Variants in TAFA4 observed in about 807,000 individuals in gnomAD.
TAFA4 encodes the protein chemokine-like protein TAFA-4.
A neutral mutation model predicts 21.1 loss-of-function variants in TAFA4; 20 were observed. The observed-to-expected ratio is 0.95, with a 90% CI of 0.67 to 1.38. TAFA4 has a LOEUF of 1.38. Among genes scored for constraint, TAFA4 ranks in the 40% most tolerant of loss-of-function variants. TAFA4 has a pLI of 0.00. For synonymous variants in TAFA4, 71 were observed against 67.4 expected (o/e 1.05, Z -0.26); for missense variants, 211 against 180.9 (o/e 1.17, Z -0.95).
intron 1 of TAFA4, among the ~76,000 whole-genome samples, chr3:68,897,258 A>T (rs896317341): frequency 8.5e-5 from 13 of 152,200 alleles, no homozygotes; most frequent in Non-Finnish European, 1.8e-4. Context: ...AGCCAAATTT[A>T]TAGTTCATCT....
At chr3:68,781,894 A>C (rs1703160739) in intron 3 of TAFA4, among the ~76,000 whole-genome samples, 1 of 152,170 alleles carries the variant, frequency 6.6e-6, no homozygotes, top group African/African-American at 2.4e-5. Context: ...AAAACCACAA[A>C]AGTCTTAGAA....
chr3:68,882,214 T>C (rs1356899098), intron 2 of TAFA4, among the ~76,000 whole-genome samples: 1 of 152,170 alleles, frequency 6.6e-6, no homozygotes, highest in Non-Finnish European at 1.5e-5. Flanking sequence ...AATTAATCTT[T>C]CATTTATGTG....
At chr3:68,925,745 C>G (rs2090101609) in intron 1 of TAFA4, among the ~76,000 whole-genome samples, 1 of 152,214 alleles carries the variant, frequency 6.6e-6, no homozygotes, top group African/African-American at 2.4e-5. Flanking sequence ...GATTTGTCAT[C>G]TTTCCTGGAA....
intron 3 of TAFA4, among the ~76,000 whole-genome samples, chr3:68,874,232 TTTTAACTC>T (rs1272490530): frequency 5.3e-5 from 8 of 152,148 alleles, no homozygotes; most frequent in African/African-American, 1.7e-4. Flanking sequence ...GTCAAATTGT[TTTTAACTC>T]TTGCAAACAC....
chr3:68,854,960 T>C (rs945907362), intron 3 of TAFA4, among the ~76,000 whole-genome samples: 7 of 152,194 alleles, frequency 4.6e-5, no homozygotes, highest in African/African-American at 1.2e-4. Context: ...TCACTCTTAG[T>C]TAACATATAA....
intron 3 of TAFA4, among the ~76,000 whole-genome samples, chr3:68,825,098 C>G (rs187282378): frequency 1.3e-5 from 2 of 152,248 alleles, no homozygotes; most frequent in Admixed American, 6.5e-5. Context: ...GCCCAGCATA[C>G]ATTTGCTATT....
chr3:68,842,494 G>GCAA (rs1704688046), intron 3 of TAFA4, among the ~76,000 whole-genome samples: 1 of 152,140 alleles, frequency 6.6e-6, no homozygotes, highest in Admixed American at 6.6e-5. Flanking sequence ...TCTGTAGGTT[G>GCAA]CCTATTCACT....
At chr3:68,792,518 A>G (rs1374486604) in intron 3 of TAFA4, among the ~76,000 whole-genome samples, 1 of 152,180 alleles carries the variant, frequency 6.6e-6, no homozygotes, top group Non-Finnish European at 1.5e-5. Context: ...ACAAAAAAAG[A>G]AGAAATTTTT....
intron 4 of TAFA4, among the ~76,000 whole-genome samples, chr3:68,742,081 A>T (rs1208928742): frequency 6.6e-6 from 1 of 152,224 alleles, no homozygotes; most frequent in Admixed American, 6.5e-5. Context: ...AATAAATGTG[A>T]TACACCACAT....
intron 1 of TAFA4, among the ~76,000 whole-genome samples, chr3:68,925,266 A>G (rs2090097293): frequency 6.6e-6 from 1 of 152,128 alleles, no homozygotes; most frequent in Non-Finnish European, 1.5e-5. Context: ...AGATGAAGAA[A>G]GCTGCGACTC....
At chr3:68,845,256 A>G (rs192885043) in intron 3 of TAFA4, among the ~76,000 whole-genome samples, 1 of 151,936 alleles carries the variant, frequency 6.6e-6, no homozygotes. Flanking sequence ...TCCCTTTACC[A>G]TTATGTAATG....
At chr3:68,929,825 G>A (rs2090143232) in intron 1 of TAFA4, among the ~76,000 whole-genome samples, 1 of 152,214 alleles carries the variant, frequency 6.6e-6, no homozygotes. Flanking sequence ...GAGTTAGTAA[G>A]TGCCAAAAAG....
intron 3 of TAFA4, among the ~76,000 whole-genome samples, chr3:68,834,003 A>C (rs1704461624): frequency 6.6e-6 from 1 of 152,306 alleles, no homozygotes; most frequent in South Asian, 2.1e-4. Flanking sequence ...ACATATTCCC[A>C]ACTCTTCATG....
chr3:68,808,687 A>G (rs1168991722), intron 3 of TAFA4, among the ~76,000 whole-genome samples: 5 of 152,198 alleles, frequency 3.3e-5, no homozygotes, highest in Non-Finnish European at 7.4e-5. Context: ...ACCCTTAGTG[A>G]GCATTTCTTC....
chr3:68,789,152 A>G (rs996357269), intron 3 of TAFA4, among the ~76,000 whole-genome samples: 16 of 151,326 alleles, frequency 1.1e-4, no homozygotes, highest in African/African-American at 3.9e-4. Context: ...AATGGTGTGA[A>G]CCTGGGAGGC....
At chr3:68,930,013 T>G (rs903985952) in intron 1 of TAFA4, among the ~76,000 whole-genome samples, 3 of 152,250 alleles carry the variant, frequency 2.0e-5, no homozygotes, top group Non-Finnish European at 4.4e-5. Context: ...ACATGCCATT[T>G]ACATAGCAAA....
chr3:68,896,981 G>A (rs1449297258), intron 1 of TAFA4, among the ~76,000 whole-genome samples: 2 of 152,158 alleles, frequency 1.3e-5, no homozygotes, highest in East Asian at 3.9e-4. Flanking sequence ...TTGGCTCCCT[G>A]CAACCTCCGC....
chr3:68,753,559 C>T (rs573042655), intron 3 of TAFA4, among the ~76,000 whole-genome samples: 18 of 152,268 alleles, frequency 1.2e-4, no homozygotes, highest in African/African-American at 4.1e-4. Context: ...TGGTCTCGAA[C>T]TCCTGACCTC....
intron 3 of TAFA4, among the ~76,000 whole-genome samples, chr3:68,847,460 G>A (rs6766942): frequency 0.027 from 4,176 of 152,314 alleles, 78 homozygotes; most frequent in Non-Finnish European, 0.044. Context: ...GGGCTCTGTC[G>A]GGGTGGGATC....
Sources: allele counts gnomAD v4.1 joint callset (sites outside exome capture counted in the v4.1 genomes callset), GRCh38; gene constraint gnomAD v4.1.1; transcripts MANE v1.5; gene names NCBI Gene and HGNC (gene_info 2026-07-23, HGNC 2026-07-21).